The following LONRF1 variants were observed in gnomAD, a reference collection of about 807,000 sequenced individuals.
The protein encoded by LONRF1 is LON peptidase N-terminal domain and ring finger 1, also known as LON peptidase N-terminal domain and RING finger protein 1.
Under a neutral mutation model 85.8 loss-of-function variants are expected in LONRF1, and 37 were observed. That is an observed-to-expected ratio of 0.43 (90% CI 0.33 to 0.57). The LOEUF (loss-of-function observed/expected upper bound fraction) is 0.57. LONRF1 is among the 20% of genes least tolerant of loss of function. LONRF1 has a pLI of 0.04. For synonymous variants in LONRF1, 517 were observed against 390.1 expected (o/e 1.33, Z -3.83); for missense variants, 1,036 against 978.0 (o/e 1.06, Z -0.79).
chr8:12,737,284 C>T (rs1653872102), intron 4 of LONRF1, 144 bp from the exon 5 acceptor site: 4 of 1,007,706 alleles, frequency 4.0e-6, no homozygotes, highest in Non-Finnish European at 3.0e-6. Flanking sequence ...GATTCCAACA[C>T]TGTGACAAGT....
intron 1 of LONRF1, among the ~76,000 whole-genome samples, chr8:12,750,423 A>G (rs1235884605): frequency 6.6e-6 from 1 of 152,194 alleles, no homozygotes; most frequent in African/African-American, 2.4e-5. Context: ...GATAAACTTT[A>G]ATTTATAAAT....
intron 4 of LONRF1, chr8:12,737,468 T>C (rs938786637): frequency 2.4e-6 from 1 of 423,564 alleles, no homozygotes. Context: ...AGTATTTACA[T>C]TGTATTAGGT....
At chr8:12,745,961 CATCAA>C (rs1375725228) in intron 1 of LONRF1, among the ~76,000 whole-genome samples, 1 of 152,180 alleles carries the variant, frequency 6.6e-6, no homozygotes, top group Non-Finnish European at 1.5e-5. Flanking sequence ...ACTTCAGATT[CATCAA>C]ATTTCCAACT....
intron 11 of LONRF1, among the ~76,000 whole-genome samples, chr8:12,725,311 T>C (rs1393753870): frequency 6.6e-6 from 1 of 152,228 alleles, no homozygotes; most frequent in Non-Finnish European, 1.5e-5. Flanking sequence ...TGAGAAAAGA[T>C]GTTTCAAATG....
At chr8:12,725,579 A>G (rs965801706) in intron 11 of LONRF1, 148 bp downstream of exon 11, 2 of 700,028 alleles carry the variant, frequency 2.9e-6, no homozygotes, top group Admixed American at 5.6e-5. Context: ...AGAACTCATG[A>G]TTGCAAAGAT....
chr8:12,752,011 CT>C (rs1299681943), intron 1 of LONRF1, among the ~76,000 whole-genome samples: 1 of 152,112 alleles, frequency 6.6e-6, no homozygotes, highest in African/African-American at 2.4e-5. Flanking sequence ...AAATGGGAAA[CT>C]TCTGATTTTG....
chr8:12,754,055 G>T (rs1309870278), intron 1 of LONRF1: 2 of 152,226 alleles, frequency 1.3e-5, no homozygotes, highest in African/African-American at 2.4e-5. Context: ...CCCCAAGCCC[G>T]GCGGCCTGCA....
rs1016059212 is a variant in LONRF1 at position 12,755,298 on chromosome 8, C to A, written c.123G>T (p.Ala41=). 17 of 1,248,170 alleles carry A rather than the reference C, an allele frequency of 1.4e-5. No homozygotes were observed. The African/African-American group carries it at 2.4e-4, about 17-fold the overall frequency. The allele number at this position is 1,248,170 out of a possible 1,614,324, so 77.3% of individuals were successfully genotyped here. A position where few individuals can be genotyped will look rare whatever the true frequency, so the allele number is the denominator to read the frequency against. Residue 41 remains alanine (A), a synonymous_variant, in exon 1 of 12, where the codon GCG becomes GCT. Coordinates refer to ENST00000398246, the MANE Select transcript of LONRF1 (RefSeq NM_152271.5). ...GGGSGHRLER[A]AAESERWELL... ...GCTCCCAGCGCTCCGACTCCGCGGC[C>A]GCGCGCTCCAGCCGATGGCCGCTGC... is the stretch of plus-strand genomic sequence containing the variant.
chr8:12,731,199 C>T (rs1244081412), intron 8 of LONRF1, among the ~76,000 whole-genome samples: 1 of 152,160 alleles, frequency 6.6e-6, no homozygotes, highest in Non-Finnish European at 1.5e-5. Context: ...CCAAAGTTGC[C>T]TCCGAGATTT....
rs1399645383 is a variant in LONRF1, at chr8:12,754,911, A to G, written c.510T>C (p.Thr170=). The G allele has an allele frequency of 4.0e-6, 6 of 1,492,538 alleles. No individual in the cohort carries two copies. In the Admixed American group the frequency reaches 1.3e-4, roughly 33 times the overall value. The allele number at this position is 1,492,538 out of a possible 1,614,324, so 92.5% of individuals were successfully genotyped here. A position where few individuals can be genotyped will look rare whatever the true frequency, so the allele number is the denominator to read the frequency against. Residue 170 remains threonine, a synonymous_variant, in exon 1 of 12, where the codon ACT becomes ACC. Coordinates refer to ENST00000398246, the MANE Select transcript of LONRF1 (RefSeq NM_152271.5). ...GCCGCGGGGCGGTCCCTTCAGCATC[A>G]GTGGCACTGGCGGTGGCGGGCGGCA... The part of the protein sequence containing the change: ...DRLPPATASA[T]DAEGTAPRPP...
rs1199709296 is a variant in LONRF1, at chr8:12,755,084, C to A, written c.337G>T (p.Ala113Ser). Residue 113 changes from alanine (A) to serine (S), a missense_variant, in exon 1 of 12, where the codon GCT (alanine) becomes TCT (serine). Coordinates refer to ENST00000398246, the MANE Select transcript of LONRF1 (RefSeq NM_152271.5). ...AGGAGCCCGCCGGCGCCGCCGTCAG[C>A]GCCTGCAACCGGGGCCGCGCTCCAG... ...LGWSAAPVAG[A>S]DGGAGGLLRC... 3.4e-6 allele frequency: 5 copies of A among 1,471,184 alleles called. No homozygotes were observed. The highest frequency in any genetic ancestry group is 3.6e-6 in the Non-Finnish European group (4 of 1,116,672). 91.1% of individuals were successfully genotyped at this position (1,471,184 alleles called of 1,614,324 possible).
chr8:12,743,725 C>A (rs1477778909), intron 1 of LONRF1, among the ~76,000 whole-genome samples: 1 of 151,872 alleles, frequency 6.6e-6, no homozygotes, highest in African/African-American at 2.4e-5. Context: ...ATGGAATTCC[C>A]ACGGTGACAA....
rs368670206 is a variant in LONRF1 at position 12,736,788 on chromosome 8, T to C, written c.1364A>G (p.Asn455Ser). ...AGCTAAGGAAAACATACAGACTTCA[T>C]TGGGAGTTTCTATTAAAACAAAGAC... is the stretch of plus-strand genomic sequence containing the variant. ...NKLKKQGETP[N>S]EVCMFSLAYG... Residue 455 changes from asparagine to serine, a missense_variant, in exon 6 of 12, where the codon AAT becomes AGT. This residue lies in a region of LONRF1 where 742 missense variants were observed against 614.4 expected (regional missense o/e 1.21). Transcript: ENST00000398246. The C allele has an allele frequency of 2.4e-5, 38 of 1,604,878 alleles. No individual in the cohort carries two copies. Among genetic ancestry groups the C allele is most frequent in the African/African-American group, 6.7e-5 (5 of 74,368 alleles).
Position 12,755,351 on chromosome 8 carries a change from G to C in LONRF1, c.70C>G (p.Arg24Gly), listed in dbSNP as rs981007885. The C allele has an allele frequency of 1.4e-5, 17 of 1,228,438 alleles. No homozygotes were observed. The highest frequency in any genetic ancestry group is 4.2e-5 in the Admixed American group (1 of 24,042). The allele number at this position is 1,228,438 out of a possible 1,614,324, so 76.1% of individuals were successfully genotyped here. Residue 24 changes from arginine (R) to glycine (G), a missense_variant, in exon 1 of 12, where the codon CGA (arginine) becomes GGA (glycine). By Grantham distance (125) the Arg-to-Gly change is moderately radical. This residue lies in a region of LONRF1 where 742 missense variants were observed against 614.4 expected (regional missense o/e 1.21). Transcript: ENST00000398246. ...CCGCCCACTTCCCAGAACCGGCCTCGGCCCTGCGGCGCTGGGGCCATCTCC... is the reference window on the plus strand; with the variant it reads ...CCGCCCACTTCCCAGAACCGGCCTCCGCCCTGCGGCGCTGGGGCCATCTCC... The part of the protein sequence containing the change: ...SREMAPAPQG[R>G]GRFWEVGGGS...
rs1203036357 is a variant in LONRF1, at chr8:12,754,585, A to C, written c.721+115T>G. 7 of 1,111,686 alleles carry C rather than the reference A, an allele frequency of 6.3e-6. No homozygotes were observed. In the East Asian group the frequency reaches 1.2e-4, roughly 20 times the overall value. 68.9% of individuals were successfully genotyped at this position (1,111,686 alleles called of 1,614,324 possible). A position where few individuals can be genotyped will look rare whatever the true frequency, so the allele number is the denominator to read the frequency against. On this transcript the variant is annotated intron_variant, in intron 1 of 11. Coordinates refer to ENST00000398246, the MANE Select transcript of LONRF1 (RefSeq NM_152271.5). ...CCGAGACCCGACACGCCAGCGGCCC[A>C]GCGGCCCCGGGGAAGCAGAGGAGAC...
At chr8:12,741,789 A>T (rs934611795) in intron 2 of LONRF1, among the ~76,000 whole-genome samples, 1 of 152,204 alleles carries the variant, frequency 6.6e-6, no homozygotes, top group African/African-American at 2.4e-5. Context: ...ACTTATAGAC[A>T]TGACACTTTT....
chr8:12,745,387 A>C (rs1269111988), intron 1 of LONRF1, among the ~76,000 whole-genome samples: 1 of 79,816 alleles, frequency 1.3e-5, no homozygotes, highest in African/African-American at 3.7e-5. Context: ...TACTTTTAAA[A>C]AAAGATTAGG....
In LONRF1 at chr8:12,737,104, T is replaced by C. The variant is rs1798748415; in HGVS notation, c.1150A>G (p.Lys384Glu). Residue 384 changes from lysine (K) to glutamate (E), a missense_variant, in exon 5 of 12, where the codon AAA becomes GAA. Physicochemically the swap from Lys to Glu is moderately conservative, Grantham distance 56. Around this residue, in one of 3 missense-constraint regions of LONRF1, gnomAD observed 742 missense variants for 614.4 expected, o/e 1.21. Coordinates refer to ENST00000398246, the MANE Select transcript of LONRF1 (RefSeq NM_152271.5). Reference protein sequence around the residue: ...EIPEVTSEPVKGSLNRAQSAQ... With the variant: ...EIPEVTSEPVEGSLNRAQSAQ... Reference sequence around the variant, plus strand: ...GACTGAGCACGGTTTAAGCTTCCTTTGACAGGCTCTGAAGTGACCTCTGGT... The same window carrying C: ...GACTGAGCACGGTTTAAGCTTCCTTCGACAGGCTCTGAAGTGACCTCTGGT... 2 of 1,613,394 alleles carry C rather than the reference T, an allele frequency of 1.2e-6. No individual in the cohort carries two copies. The highest frequency in any genetic ancestry group is 2.7e-5 in the African/African-American group (2 of 74,894).
rs1455372041 is a variant in LONRF1, at chr8:12,754,874, C to G, written c.547G>C (p.Ala183Pro). Residue 183 changes from alanine to proline, a missense_variant, in exon 1 of 12, where the codon GCC (alanine) becomes CCC (proline). Physicochemically the swap from Ala to Pro is conservative, Grantham distance 27. This residue lies in a region of LONRF1 where 742 missense variants were observed against 614.4 expected (regional missense o/e 1.21). Transcript: ENST00000398246. ...AAGTCTGAAGCGGCGATGGCGGCGGCCAGAGGCGGCGGCCGCGGGGCGGTC... is the reference window on the plus strand; with the variant it reads ...AAGTCTGAAGCGGCGATGGCGGCGGGCAGAGGCGGCGGCCGCGGGGCGGTC... Reference protein sequence around the residue: ...EGTAPRPPPLAAAIAASDFRT... With the variant: ...EGTAPRPPPLPAAIAASDFRT... 2.0e-6 allele frequency: 3 copies of G among 1,493,474 alleles called. No individual in the cohort carries two copies. Among genetic ancestry groups the G allele is most frequent in the Non-Finnish European group, 2.7e-6 (3 of 1,126,388 alleles). 92.5% of individuals were successfully genotyped at this position (1,493,474 alleles called of 1,614,324 possible). A position where few individuals can be genotyped will look rare whatever the true frequency, so the allele number is the denominator to read the frequency against.
Sources: gnomAD v4.1 joint callset for allele counts (sites outside exome capture counted in the v4.1 genomes callset) on GRCh38, gnomAD v4.1.1 for gene constraint, gnomAD v4.1.1 regional missense constraint, MANE v1.5 for transcripts, NCBI Gene and HGNC (gene_info 2026-07-23, HGNC 2026-07-21) for gene names.